Variants in GALNT13 observed in about 807,000 individuals in gnomAD.
GALNT13 encodes the protein UDP-GalNAc:polypeptide N-acetylgalactosaminyltransferase 13.
Under a neutral mutation model 64.2 loss-of-function variants are expected in GALNT13, and 28 were observed. The observed-to-expected ratio is 0.44, with a 90% CI of 0.32 to 0.60. The LOEUF is 0.60. Among genes scored for constraint, GALNT13 ranks in the 20% least tolerant of loss-of-function variants. GALNT13 has a pLI of 0.05. For synonymous variants in GALNT13, 214 were observed against 224.6 expected, an observed-to-expected ratio of 0.95 and a Z score of 0.42; for missense variants, 577 against 669.8, an observed-to-expected ratio of 0.86 and a Z score of 1.53.
chr2:154,028,592 G>T (rs1472890714), intron 3 of GALNT13, among the ~76,000 whole-genome samples: 1 of 152,012 alleles, frequency 6.6e-6, no homozygotes. Context: ...GATTATTTTA[G>T]CCAGTTCATT....
chr2:153,911,237 G>A (rs1454275289), intron 2 of GALNT13, among the ~76,000 whole-genome samples: 1 of 152,006 alleles, frequency 6.6e-6, no homozygotes, highest in Non-Finnish European at 1.5e-5. Flanking sequence ...TAACCCTAGT[G>A]TTTTTATGTT....
the GALNT13 span, among the ~76,000 whole-genome samples, chr2:153,092,482 T>G: frequency 8.5e-5 from 13 of 152,212 alleles, no homozygotes; most frequent in African/African-American, 3.1e-4. Context: ...ATGTGGAATA[T>G]TTTTCTATTT....
At chr2:153,577,502 T>C in the GALNT13 span, among the ~76,000 whole-genome samples, 1 of 152,188 alleles carries the variant, frequency 6.6e-6, no homozygotes, top group East Asian at 1.9e-4. Context: ...TTGATAAATA[T>C]ATAAGTATCA....
At chr2:153,274,102 C>G in the GALNT13 span, among the ~76,000 whole-genome samples, 1 of 152,088 alleles carries the variant, frequency 6.6e-6, no homozygotes, top group South Asian at 2.1e-4. Flanking sequence ...ACTCAGGAGG[C>G]TGAGGCAGGA....
chr2:153,092,861 A>C, the GALNT13 span, among the ~76,000 whole-genome samples: 1 of 152,050 alleles, frequency 6.6e-6, no homozygotes, highest in African/African-American at 2.4e-5. Context: ...CTAGAAGTGC[A>C]ACATAGCACA....
the GALNT13 span, among the ~76,000 whole-genome samples, chr2:153,151,904 A>C: frequency 1.3e-5 from 2 of 152,026 alleles, no homozygotes; most frequent in African/African-American, 4.8e-5. Flanking sequence ...TGGGTGCAGC[A>C]CACCAACATG....
chr2:153,189,036 C>G, the GALNT13 span, among the ~76,000 whole-genome samples: 1 of 152,216 alleles, frequency 6.6e-6, no homozygotes, highest in East Asian at 1.9e-4. Flanking sequence ...TTATAGTCAC[C>G]ATACTCTACC....
the GALNT13 span, among the ~76,000 whole-genome samples, chr2:153,590,441 TC>T: frequency 6.8e-6 from 1 of 147,600 alleles, no homozygotes; most frequent in African/African-American, 2.6e-5. Context: ...TTGAGACTGC[TC>T]CAAGAAATCA....
At chr2:153,420,758 A>G in the GALNT13 span, 19 of 231,550 alleles carry the variant, frequency 8.2e-5, no homozygotes, top group Non-Finnish European at 1.3e-4. Context: ...CACAGGCCTC[A>G]GAAAATGCTT....
At chr2:153,403,925 G>C in the GALNT13 span, among the ~76,000 whole-genome samples, 2 of 152,202 alleles carry the variant, frequency 1.3e-5, no homozygotes, top group Non-Finnish European at 1.5e-5. Context: ...GACCGGAGCT[G>C]TTCCTATTCG....
At chr2:153,478,370 A>C in the GALNT13 span, 1 of 1,614,162 alleles carries the variant, frequency 6.2e-7, no homozygotes, top group Non-Finnish European at 8.5e-7. Flanking sequence ...ACGGTGAGTG[A>C]GAGCACGCAC....
At chr2:153,143,527 G>A in the GALNT13 span, among the ~76,000 whole-genome samples, 1 of 152,000 alleles carries the variant, frequency 6.6e-6, no homozygotes, top group South Asian at 2.1e-4. Context: ...GTTAGACCTG[G>A]GCATGAAAAT....
At chr2:153,475,844 T>G in the GALNT13 span, among the ~76,000 whole-genome samples, 1 of 152,184 alleles carries the variant, frequency 6.6e-6, no homozygotes, top group Admixed American at 6.5e-5. Context: ...AAGTGTCTGG[T>G]TTGTCCCAGA....
the GALNT13 span, among the ~76,000 whole-genome samples, chr2:153,104,901 T>C: frequency 1.3e-5 from 2 of 152,050 alleles, no homozygotes; most frequent in Non-Finnish European, 2.9e-5. Flanking sequence ...TTATTATTAT[T>C]ATACTTTAAG....
chr2:153,797,270 G>A, the GALNT13 span, among the ~76,000 whole-genome samples: 1 of 152,186 alleles, frequency 6.6e-6, no homozygotes, highest in African/African-American at 2.4e-5. Context: ...CGAATGTCCA[G>A]AAGCATTGCA....
chr2:153,941,817 A>G (rs922453074), intron 2 of GALNT13, among the ~76,000 whole-genome samples: 1 of 152,184 alleles, frequency 6.6e-6, no homozygotes, highest in Non-Finnish European at 1.5e-5. Context: ...TAAAAAATAC[A>G]AGCAGAGTCT....
chr2:153,548,261 A>T, the GALNT13 span, among the ~76,000 whole-genome samples: 1 of 152,184 alleles, frequency 6.6e-6, no homozygotes, highest in Admixed American at 6.5e-5. Context: ...GATGCCAGCA[A>T]TGTTGATCTG....
chr2:153,966,372 C>T (rs1384584781), intron 3 of GALNT13, among the ~76,000 whole-genome samples: 7 of 145,752 alleles, frequency 4.8e-5, no homozygotes, highest in Admixed American at 6.8e-5. Context: ...TGTTGGGATT[C>T]TTTTTTTTTT....
At chr2:154,432,976 T>C (rs1431910350) in intron 11 of GALNT13, among the ~76,000 whole-genome samples, 1 of 152,178 alleles carries the variant, frequency 6.6e-6, no homozygotes, top group Non-Finnish European at 1.5e-5. Context: ...TGGGCTGGGA[T>C]TCTAGCTTCC....
Sources: gnomAD v4.1 joint callset for allele counts (sites outside exome capture counted in the v4.1 genomes callset) on GRCh38, gnomAD v4.1.1 for gene constraint, MANE v1.5 for transcripts, NCBI Gene and HGNC (gene_info 2026-07-23, HGNC 2026-07-21) for gene names.